The following ANKRD6 variants were observed in gnomAD, a reference collection of about 807,000 sequenced individuals.
ANKRD6 encodes ankyrin repeat domain 6, also known as ankyrin repeat domain-containing protein 6.
ANKRD6 carries 56 observed loss-of-function variants against 82.3 expected under a neutral mutation model. That is an observed-to-expected ratio of 0.68 (90% CI 0.55 to 0.85). ANKRD6 has a LOEUF of 0.85. Among genes scored for constraint, ANKRD6 ranks in the 40% least tolerant of loss-of-function variants. The pLI, the probability that ANKRD6 is intolerant of heterozygous loss-of-function variation, is 0.00. For missense variants in ANKRD6, 852 were observed against 907.6 expected, an observed-to-expected ratio of 0.94 and a Z score of 0.79; for synonymous variants, 347 against 352.1, an observed-to-expected ratio of 0.99 and a Z score of 0.16.
intron 1 of ANKRD6, among the ~76,000 whole-genome samples, chr6:89,517,702 C>A (rs1268923115): frequency 1.3e-5 from 2 of 152,206 alleles, no homozygotes; most frequent in Non-Finnish European, 2.9e-5. Flanking sequence ...CCACCTGTAA[C>A]CCGTCAGTGG....
chr6:89,626,141 T>C lies in ANKRD6; in HGVS notation c.1372-1442T>C, dbSNP rs1005665804. On this transcript the variant is annotated intron_variant, in intron 13 of 15. Coordinates refer to ENST00000339746, the MANE Select transcript of ANKRD6 (RefSeq NM_001242809.2). The stretch of plus-strand genomic sequence containing the variant: ...AAACATTTTTAAGGCTTATTTGCTA[T>C]CTGTATTTTATAGAAAGGCCATTTT... Among the ~76,000 whole-genome samples, 6 of 152,344 alleles carry C rather than the reference T, an allele frequency of 3.9e-5. 1 individual carries two copies. Among genetic ancestry groups the C allele is most frequent in the Admixed American group, 2.6e-4 (4 of 15,298 alleles).
At chr6:89,517,033 T>C (rs1211544163) in intron 1 of ANKRD6, among the ~76,000 whole-genome samples, 1 of 152,110 alleles carries the variant, frequency 6.6e-6, no homozygotes, top group Non-Finnish European at 1.5e-5. Flanking sequence ...CAAAACGAGA[T>C]GATTTTTCTG....
chr6:89,464,040 A>G (rs1015106853), intron 1 of ANKRD6, among the ~76,000 whole-genome samples: 3 of 152,202 alleles, frequency 2.0e-5, no homozygotes, highest in Non-Finnish European at 2.9e-5. Context: ...ATCAGGTGTA[A>G]GGCCACAGCC....
At chr6:89,502,345 G>A (rs1043282495) in intron 1 of ANKRD6, among the ~76,000 whole-genome samples, 5 of 152,108 alleles carry the variant, frequency 3.3e-5, no homozygotes, top group African/African-American at 1.2e-4. Flanking sequence ...ACATTCCAAA[G>A]GTGATATAAA....
At chr6:89,498,626 T>G (rs1778920137) in intron 1 of ANKRD6, among the ~76,000 whole-genome samples, 1 of 152,300 alleles carries the variant, frequency 6.6e-6, no homozygotes, top group African/African-American at 2.4e-5. Context: ...TGATGTGAAG[T>G]GTTCTCTTGA....
chr6:89,435,044 C>T (rs1462065426), intron 1 of ANKRD6, among the ~76,000 whole-genome samples: 2 of 152,060 alleles, frequency 1.3e-5, no homozygotes, highest in Non-Finnish European at 2.9e-5. Context: ...CTTAGTCTCC[C>T]ACTTAAACTC....
At chr6:89,622,139 C>T (rs1475747297) in intron 10 of ANKRD6, 113 bp downstream of exon 10, 5 of 853,288 alleles carry the variant, frequency 5.9e-6, no homozygotes, top group Admixed American at 5.4e-5. Context: ...CTCTGCCTCT[C>T]CTCCTTGCTG....
intron 2 of ANKRD6, among the ~76,000 whole-genome samples, chr6:89,567,696 G>A (rs1788845121): frequency 6.6e-6 from 1 of 152,246 alleles, no homozygotes; most frequent in African/African-American, 2.4e-5. Context: ...GCTAGAGGGA[G>A]AGTTTAAATA....
intron 2 of ANKRD6, among the ~76,000 whole-genome samples, chr6:89,575,643 A>G (rs6454763): frequency 0.51 from 77,980 of 151,970 alleles, 20,515 homozygotes; most frequent in South Asian, 0.72. Context: ...TTGTACTTGT[A>G]TAAAACATTT....
chr6:89,544,813 G>A lies in ANKRD6; in HGVS notation c.-143-22021G>A, dbSNP rs78744143. On this transcript the variant is annotated intron_variant, in intron 1 of 15. Coordinates refer to ENST00000339746, the MANE Select transcript of ANKRD6 (RefSeq NM_001242809.2). ...CTCTGCATGATCCTTATCAACTGGA[G>A]TGAAAAGGATTTGAGGACGGGAAGC... Among the ~76,000 whole-genome samples, 885 of 152,328 alleles carry A rather than the reference G, an allele frequency of 5.8e-3. 9 individuals carry two copies. Among genetic ancestry groups the A allele is most frequent in the African/African-American group, 0.019 (799 of 41,566 alleles).
chr6:89,607,713 T>A (rs1799117640), intron 5 of ANKRD6, among the ~76,000 whole-genome samples: 1 of 147,522 alleles, frequency 6.8e-6, no homozygotes, highest in South Asian at 2.2e-4. Context: ...TGGAGTGCAA[T>A]GGCACACTGT....
intron 1 of ANKRD6, among the ~76,000 whole-genome samples, chr6:89,479,553 A>G (rs6932713): frequency 0.31 from 46,856 of 151,362 alleles, 7,514 homozygotes; most frequent in African/African-American, 0.37. Context: ...CATTTTTTGC[A>G]TAAAGCCTTT....
chr6:89,459,426 C>T (rs971945304), intron 1 of ANKRD6, among the ~76,000 whole-genome samples: 2 of 152,054 alleles, frequency 1.3e-5, no homozygotes, highest in Non-Finnish European at 2.9e-5. Flanking sequence ...ACCAGCATAA[C>T]TTAGAGGAGC....
intron 2 of ANKRD6, among the ~76,000 whole-genome samples, chr6:89,575,437 A>G (rs1321420970): frequency 1.3e-5 from 2 of 152,100 alleles, no homozygotes; most frequent in African/African-American, 4.8e-5. Context: ...GAGCCCCAAC[A>G]CTGGTAACCA....
chr6:89,500,972 CTT>C (rs35877637), intron 1 of ANKRD6, among the ~76,000 whole-genome samples: 1,694 of 121,762 alleles, frequency 0.014, 31 homozygotes, highest in African/African-American at 0.049. Context: ...CCCAATTAGT[CTT>C]TTTTTTTTTT....
chr6:89,479,765 C>G (rs1404578994), intron 1 of ANKRD6, among the ~76,000 whole-genome samples: 1 of 151,848 alleles, frequency 6.6e-6, no homozygotes, highest in Admixed American at 6.6e-5. Flanking sequence ...AATGCTATCC[C>G]TCCCGCCTCC....
Position 89,486,615 on chromosome 6 carries a change from T to A in ANKRD6, c.-144+53240T>A, listed in dbSNP as rs146039420. Among the ~76,000 whole-genome samples the A allele has an allele frequency of 4.0e-3, 604 of 152,252 alleles. 4 individuals are homozygous for A. Among genetic ancestry groups the A allele is most frequent in the African/African-American group, 0.014 (570 of 41,584 alleles). ...GGGTGTCAGCATGGATTAGTTCTTTTAAAAATTTTTTAAATATATTTTTAA... is the reference window on the plus strand; with the variant it reads ...GGGTGTCAGCATGGATTAGTTCTTTAAAAAATTTTTTAAATATATTTTTAA... On this transcript the variant is annotated intron_variant, in intron 1 of 15. Coordinates refer to ENST00000339746, the MANE Select transcript of ANKRD6 (RefSeq NM_001242809.2).
chr6:89,581,119 A>C (rs1404011651), intron 2 of ANKRD6, among the ~76,000 whole-genome samples: 1 of 152,218 alleles, frequency 6.6e-6, no homozygotes, highest in Admixed American at 6.5e-5. Context: ...ACACTCAAGT[A>C]GATGTATCTC....
At position 89,631,830 on chromosome 6, in the gene ANKRD6, C is replaced by G. The variant is rs1234752722; in HGVS notation, c.*826C>G. ...ATCAAACCCAATTATATCAGAATAC[C>G]TTTCTGAATTTGAGATTTTTGCTCT... On this transcript the variant is annotated 3_prime_UTR_variant, in exon 16 of 16. Coordinates refer to ENST00000339746, the MANE Select transcript of ANKRD6 (RefSeq NM_001242809.2). 2 of 152,078 alleles carry G rather than the reference C, an allele frequency of 1.3e-5. No individual in the cohort carries two copies. Among genetic ancestry groups the G allele is most frequent in the Non-Finnish European group, 2.9e-5 (2 of 68,010 alleles). 9.4% of individuals were successfully genotyped at this position (152,078 alleles called of 1,614,324 possible). A position where few individuals can be genotyped will look rare whatever the true frequency, so the allele number is the denominator to read the frequency against.
Sources: gnomAD v4.1 joint callset for allele counts (sites outside exome capture counted in the v4.1 genomes callset) on GRCh38, gnomAD v4.1.1 for gene constraint, MANE v1.5 for transcripts, NCBI Gene and HGNC (gene_info 2026-07-23, HGNC 2026-07-21) for gene names.